The following PCSK5 variants were observed in gnomAD, a reference collection of about 807,000 sequenced individuals.
PCSK5 encodes prohormone convertase 5.
A neutral mutation model predicts 233.2 loss-of-function variants in PCSK5; 129 were observed. That is an observed-to-expected ratio of 0.55 (90% CI 0.48 to 0.64). PCSK5 has a LOEUF of 0.64. Ranked by LOEUF, PCSK5 falls within the 30% of genes least tolerant of loss-of-function variation. The probability of loss-of-function intolerance (pLI) is 0.00; values close to 1 mark genes in which losing one functional copy is unlikely to be tolerated. For missense variants in PCSK5, 2,076 were observed against 2,430.1 expected (o/e 0.85, Z 3.06); for synonymous variants, 825 against 879.2 (o/e 0.94, Z 1.09).
rs548557478 is a variant in PCSK5, at chr9:76,049,961, TTAAA to T, written c.633-17988_633-17985del. Among the ~76,000 whole-genome samples the T allele has an allele frequency of 7.1e-3, 1,084 of 152,362 alleles. 5 individuals are homozygous for T. The highest frequency in any genetic ancestry group is 0.023 in the African/African-American group (969 of 41,582). ...GCAGATCCATTAAATATATTTATTG[TTAAA>T]TAAATGTAGACTTGTAAATTATTGT... On this transcript the variant is annotated intron_variant, in intron 5 of 37. Coordinates refer to ENST00000674117, the MANE Select transcript of PCSK5 (RefSeq NM_001372043.1).
chr9:75,935,226 C>A (rs563288133), intron 2 of PCSK5, among the ~76,000 whole-genome samples: 1 of 152,198 alleles, frequency 6.6e-6, no homozygotes, highest in African/African-American at 2.4e-5. Context: ...TGCCACCACG[C>A]CCAGCTAATT....
chr9:76,326,781 G>A (rs2643314), intron 32 of PCSK5, among the ~76,000 whole-genome samples: 88,122 of 152,008 alleles, frequency 0.58, 26,331 homozygotes, highest in African/African-American at 0.67. Context: ...CTCACATTCT[G>A]TTAGGGAAGA....
chr9:76,355,835 C>G (rs1261172576), intron 37 of PCSK5, among the ~76,000 whole-genome samples: 1 of 152,060 alleles, frequency 6.6e-6, no homozygotes, highest in Non-Finnish European at 1.5e-5. Flanking sequence ...TCCAGAGTAG[C>G]TTGGATTACA....
At position 76,116,382 on chromosome 9, in the gene PCSK5, A is replaced by G. The variant is rs573791133; in HGVS notation, c.1208+9031A>G. ...TTCTGAACCTTATTGAGTAAGCACC[A>G]TATGTGTGACTAAGATGAAGTAAAA... On this transcript the variant is annotated intron_variant, in intron 9 of 37. Coordinates refer to ENST00000674117, the MANE Select transcript of PCSK5 (RefSeq NM_001372043.1). 3.9e-5 allele frequency among the ~76,000 whole-genome samples: 6 copies of G among 152,266 alleles called. No homozygotes were observed. The East Asian group carries it at 1.2e-3, about 29-fold the overall frequency.
Position 76,362,721 on chromosome 9 carries a change from T to A in PCSK5, c.*3799T>A, listed in dbSNP as rs183812249. Among the ~76,000 whole-genome samples, 283 of 152,360 alleles carry A rather than the reference T, an allele frequency of 1.9e-3. No homozygotes were observed. The highest frequency in any genetic ancestry group is 3.4e-3 in the Middle Eastern group (1 of 294). On this transcript the variant is annotated 3_prime_UTR_variant, in exon 38 of 38. Coordinates refer to ENST00000674117, the MANE Select transcript of PCSK5 (RefSeq NM_001372043.1). ...CGACCTCTGACCTAACCGGTTATGTTATCTATAGATTCCAGACATTGTATG... is the reference window on the plus strand; with the variant it reads ...CGACCTCTGACCTAACCGGTTATGTAATCTATAGATTCCAGACATTGTATG...
chr9:76,029,660 G>T (rs1013946737), intron 5 of PCSK5, among the ~76,000 whole-genome samples: 1 of 152,150 alleles, frequency 6.6e-6, no homozygotes, highest in Non-Finnish European at 1.5e-5. Flanking sequence ...CCATGGGTTT[G>T]TACCCTCTAA....
At chr9:76,134,495 A>G (rs1028773460) in intron 10 of PCSK5, among the ~76,000 whole-genome samples, 1 of 151,958 alleles carries the variant, frequency 6.6e-6, no homozygotes, top group Non-Finnish European at 1.5e-5. Context: ...TTAGTTTACT[A>G]TTTGCTGTCA....
Position 76,240,978 on chromosome 9 carries a change from C to T in PCSK5, c.3142+294C>T, listed in dbSNP as rs150763124. Among the ~76,000 whole-genome samples the T allele has an allele frequency of 8.3e-3, 1,268 of 152,286 alleles. 14 individuals are homozygous for T. The highest frequency in any genetic ancestry group is 0.029 in the African/African-American group (1,204 of 41,546). ...TTGTTGGGGCTTACTGACCAGCAACCGCATTTCAGGTGCCTGAGACTCAGC... is the reference window on the plus strand; with the variant it reads ...TTGTTGGGGCTTACTGACCAGCAACTGCATTTCAGGTGCCTGAGACTCAGC... On this transcript the variant is annotated intron_variant, in intron 24 of 37. Coordinates refer to ENST00000674117, the MANE Select transcript of PCSK5 (RefSeq NM_001372043.1).
intron 5 of PCSK5, among the ~76,000 whole-genome samples, chr9:76,046,762 G>T (rs1829424644): frequency 6.7e-6 from 1 of 148,254 alleles, no homozygotes; most frequent in Non-Finnish European, 1.5e-5. Flanking sequence ...GGGTGTCAAC[G>T]TGTTAGCCAG....
At chr9:76,028,295 A>G (rs1351820150) in intron 5 of PCSK5, among the ~76,000 whole-genome samples, 1 of 152,214 alleles carries the variant, frequency 6.6e-6, no homozygotes, top group Non-Finnish European at 1.5e-5. Context: ...GAGCCATTTT[A>G]CCAAGACAGG....
intron 5 of PCSK5, among the ~76,000 whole-genome samples, chr9:76,036,898 C>T (rs1209437076): frequency 6.6e-6 from 1 of 152,208 alleles, no homozygotes; most frequent in Non-Finnish European, 1.5e-5. Context: ...CTAGAATCAC[C>T]AGAATTTACA....
chr9:76,288,146 C>T (rs911994356), intron 24 of PCSK5: 1 of 152,204 alleles, frequency 6.6e-6, no homozygotes, highest in African/African-American at 2.4e-5. Flanking sequence ...TCCTGTCAAG[C>T]CCAGCTCTTC....
At chr9:75,922,688 G>A (rs1306941216) in intron 1 of PCSK5, among the ~76,000 whole-genome samples, 1 of 152,206 alleles carries the variant, frequency 6.6e-6, no homozygotes, top group African/African-American at 2.4e-5. Context: ...TCTGCATCCA[G>A]TGGGGAAGGG....
At chr9:76,172,961 C>T (rs1823393890) in intron 13 of PCSK5, among the ~76,000 whole-genome samples, 1 of 152,160 alleles carries the variant, frequency 6.6e-6, no homozygotes, top group South Asian at 2.1e-4. Context: ...AGAATGTGTT[C>T]ATTTTTAAAT....
At chr9:75,913,468 AG>A (rs1363016157) in intron 1 of PCSK5, among the ~76,000 whole-genome samples, 3 of 152,208 alleles carry the variant, frequency 2.0e-5, no homozygotes, top group Non-Finnish European at 4.4e-5. Flanking sequence ...GATTCTGTAG[AG>A]GCCCCATCCA....
chr9:76,125,616 GC>G (rs1832816729), intron 9 of PCSK5, among the ~76,000 whole-genome samples: 1 of 152,188 alleles, frequency 6.6e-6, no homozygotes, highest in South Asian at 2.1e-4. Context: ...CACACAGTAA[GC>G]CTTCAATACA....
intron 24 of PCSK5, among the ~76,000 whole-genome samples, chr9:76,267,061 G>A (rs946186332): frequency 6.6e-6 from 1 of 152,180 alleles, no homozygotes; most frequent in Non-Finnish European, 1.5e-5. Context: ...TCTGAATGAA[G>A]GCCCCTGGAG....
At chr9:76,290,909 A>G (rs1828258661) in intron 24 of PCSK5, among the ~76,000 whole-genome samples, 1 of 152,218 alleles carries the variant, frequency 6.6e-6, no homozygotes, top group Non-Finnish European at 1.5e-5. Flanking sequence ...CTTAACAACC[A>G]TCTTGTCCAA....
At chr9:76,177,978 T>C (rs1177434669) in intron 14 of PCSK5, among the ~76,000 whole-genome samples, 2 of 151,980 alleles carry the variant, frequency 1.3e-5, no homozygotes, top group Non-Finnish European at 2.9e-5. Context: ...CTAGAAGTCA[T>C]CTGGTGAAAA....
Sources: allele counts gnomAD v4.1 joint callset (sites outside exome capture counted in the v4.1 genomes callset), GRCh38; gene constraint gnomAD v4.1.1; transcripts MANE v1.5; gene names NCBI Gene and HGNC (gene_info 2026-07-23, HGNC 2026-07-21).